The following PPP1R14C variants were observed in gnomAD, a reference collection of about 807,000 sequenced individuals.
PPP1R14C encodes the protein protein phosphatase 1 regulatory inhibitor subunit 14C, also known as protein phosphatase 1 regulatory subunit 14C.
PPP1R14C carries 16 observed loss-of-function variants against 20.4 expected under a neutral mutation model. The ratio of observed to expected loss-of-function variants is 0.78; its 90% CI spans 0.53 to 1.19. PPP1R14C has a LOEUF of 1.19. PPP1R14C is among the 50% of genes most tolerant of loss of function. PPP1R14C has a pLI of 0.00. For missense variants in PPP1R14C, 211 were observed against 220.1 expected (o/e 0.96, Z 0.26); for synonymous variants, 91 against 91.0 (o/e 1.00, Z 0.00).
chr6:150,166,705 C>T (rs965447664), intron 1 of PPP1R14C, among the ~76,000 whole-genome samples: 2 of 152,348 alleles, frequency 1.3e-5, no homozygotes, highest in Admixed American at 6.5e-5. Flanking sequence ...CCTAGCAGGC[C>T]TGCCTCAGGA....
intron 1 of PPP1R14C, 43 bp from the exon 2 acceptor site, chr6:150,214,701 C>T (rs1352579276): frequency 6.7e-7 from 1 of 1,487,974 alleles, no homozygotes; most frequent in South Asian, 1.1e-5. Context: ...AGTCAGGTTT[C>T]TTACTAAATT....
At chr6:150,200,459 G>A (rs534152172) in intron 1 of PPP1R14C, among the ~76,000 whole-genome samples, 135 of 152,070 alleles carry the variant, frequency 8.9e-4, no homozygotes, top group African/African-American at 3.1e-3. Flanking sequence ...ACTTAGGTTT[G>A]TCCTCACCCT....
chr6:150,194,318 G>T (rs1178464298), intron 1 of PPP1R14C, among the ~76,000 whole-genome samples: 3 of 152,040 alleles, frequency 2.0e-5, no homozygotes, highest in Admixed American at 1.3e-4. Context: ...CCAAGAAATG[G>T]TTACTTAACA....
rs144368664 is a variant in PPP1R14C at position 150,184,174 on chromosome 6, G to A, written c.307-30570G>A. Among the ~76,000 whole-genome samples the A allele has an allele frequency of 3.3e-3, 502 of 152,296 alleles. 5 individuals are homozygous for A. The highest frequency in any genetic ancestry group is 0.012 in the African/African-American group (489 of 41,570). On this transcript the variant is annotated intron_variant, in intron 1 of 3. Coordinates refer to ENST00000361131, the MANE Select transcript of PPP1R14C (RefSeq NM_030949.3). ...ACACATCCAAGTGCGCGTGGAGAAC[G>A]AGTATCCCAGGTAGGATGTGATGAG...
intron 1 of PPP1R14C, among the ~76,000 whole-genome samples, chr6:150,175,037 G>C (rs1777546704): frequency 6.6e-6 from 1 of 150,734 alleles, no homozygotes; most frequent in South Asian, 2.1e-4. Flanking sequence ...TGATCAATTG[G>C]CTTGAACATT....
chr6:150,244,387 G>A (rs1337642922), intron 3 of PPP1R14C, among the ~76,000 whole-genome samples: 1 of 152,132 alleles, frequency 6.6e-6, no homozygotes, highest in Non-Finnish European at 1.5e-5. Context: ...ATTCTCTTGG[G>A]TTTTTCCCCT....
At chr6:150,206,665 C>T (rs1010547736) in intron 1 of PPP1R14C, among the ~76,000 whole-genome samples, 1 of 152,198 alleles carries the variant, frequency 6.6e-6, no homozygotes, top group African/African-American at 2.4e-5. Flanking sequence ...GCTCTCCTCT[C>T]TGCCGCAGCT....
At chr6:150,200,503 G>A (rs966391559) in intron 1 of PPP1R14C, among the ~76,000 whole-genome samples, 10 of 152,072 alleles carry the variant, frequency 6.6e-5, no homozygotes, top group Non-Finnish European at 1.3e-4. Flanking sequence ...TCTCAGTCTG[G>A]GGAGTGCTCC....
intron 1 of PPP1R14C, among the ~76,000 whole-genome samples, chr6:150,169,043 AT>A (rs1444151318): frequency 6.6e-6 from 1 of 152,226 alleles, no homozygotes; most frequent in East Asian, 1.9e-4. Context: ...CACCCAGCTA[AT>A]TTTTTGTACT....
chr6:150,174,102 G>A (rs1777530653), intron 1 of PPP1R14C, among the ~76,000 whole-genome samples: 1 of 146,602 alleles, frequency 6.8e-6, no homozygotes, highest in Non-Finnish European at 1.5e-5. Flanking sequence ...GCTTTGATAG[G>A]TGCATACGTT....
At chr6:150,247,031 C>T (rs918969414) in intron 3 of PPP1R14C, among the ~76,000 whole-genome samples, 25 of 152,094 alleles carry the variant, frequency 1.6e-4, no homozygotes, top group Admixed American at 1.1e-3. Context: ...CTAGAAAAAA[C>T]ACATATTACT....
intron 1 of PPP1R14C, among the ~76,000 whole-genome samples, chr6:150,146,104 G>T (rs954224646): frequency 6.6e-6 from 1 of 152,162 alleles, no homozygotes; most frequent in Admixed American, 6.5e-5. Flanking sequence ...TACCTACTAG[G>T]TGACTAGGTG....
chr6:150,210,824 C>T (rs1055381333), intron 1 of PPP1R14C, among the ~76,000 whole-genome samples: 1 of 152,128 alleles, frequency 6.6e-6, no homozygotes, highest in East Asian at 1.9e-4. Context: ...CATGTTTTCT[C>T]CAGTTTGCTG....
chr6:150,143,472 C>G lies in PPP1R14C; in HGVS notation c.280C>G (p.Gln94Glu). 1 of 1,602,616 alleles carries G rather than the reference C, an allele frequency of 6.2e-7. No individual in the cohort carries two copies. The highest frequency in any genetic ancestry group is 8.5e-7 in the Non-Finnish European group (1 of 1,175,046). ...GGTGCTGGAGGAATGGATCGTGGAG[C>G]AGCTGGGTCAGCTCTACGGCTGCGA... ...RLVLEEWIVE[Q>E]LGQLYGCEEE... The change falls in exon 1 of 4, where the codon CAG (glutamine) becomes GAG (glutamate). Residue 94 changes from glutamine (Q) to glutamate (E), a missense_variant. Transcript: ENST00000361131. This position sits in a 1 kb window ranked among gnomAD's most constrained non-coding sequence, Gnocchi z 5.6.
chr6:150,148,336 C>G (rs530616782), intron 1 of PPP1R14C, among the ~76,000 whole-genome samples: 6 of 152,330 alleles, frequency 3.9e-5, no homozygotes, highest in African/African-American at 4.8e-5. Context: ...TGTGACAGAA[C>G]AAGGCTGTGG....
chr6:150,194,261 T>G (rs1255346158), intron 1 of PPP1R14C, among the ~76,000 whole-genome samples: 1 of 152,216 alleles, frequency 6.6e-6, no homozygotes, highest in Non-Finnish European at 1.5e-5. Flanking sequence ...TCTTATTTTG[T>G]TTTTTTCTCT....
intron 1 of PPP1R14C, among the ~76,000 whole-genome samples, chr6:150,187,120 C>A (rs1777686233): frequency 6.6e-6 from 1 of 151,958 alleles, no homozygotes; most frequent in South Asian, 2.1e-4. Context: ...GGATTATAGG[C>A]ACCTGCCACC....
chr6:150,157,193 A>G (rs576002747), intron 1 of PPP1R14C, among the ~76,000 whole-genome samples: 2 of 152,252 alleles, frequency 1.3e-5, no homozygotes, highest in African/African-American at 2.4e-5. Flanking sequence ...CAGATAATGT[A>G]TAAAATATTT....
chr6:150,152,107 G>T (rs373534624), intron 1 of PPP1R14C, among the ~76,000 whole-genome samples: 4 of 133,954 alleles, frequency 3.0e-5, no homozygotes, highest in Non-Finnish European at 4.7e-5. Flanking sequence ...GCGACAGAGC[G>T]AGACTCCGTC....
Sources: gnomAD v4.1 joint callset for allele counts (sites outside exome capture counted in the v4.1 genomes callset) on GRCh38, gnomAD v4.1.1 for gene constraint, Gnocchi (gnomAD v3.1) non-coding constraint, MANE v1.5 for transcripts, NCBI Gene and HGNC (gene_info 2026-07-23, HGNC 2026-07-21) for gene names.